Variants in CPXM1 observed in about 807,000 individuals in gnomAD.
CPXM1 encodes probable carboxypeptidase X1.
CPXM1 carries 72 observed loss-of-function variants against 80.4 expected under a neutral mutation model. The ratio of observed to expected loss-of-function variants is 0.90; its 90% CI spans 0.74 to 1.09. CPXM1 has a LOEUF of 1.09. CPXM1 is among the 50% of genes least tolerant of loss of function. The probability of loss-of-function intolerance (pLI) is 0.00; values close to 1 mark genes in which losing one functional copy is unlikely to be tolerated. For synonymous variants in CPXM1, 403 were observed against 405.6 expected (o/e 0.99, Z 0.08); for missense variants, 892 against 999.4 (o/e 0.89, Z 1.45).
chr20:2,797,075 A>G lies in CPXM1; in HGVS notation c.852T>C (p.Leu284=). The part of the protein sequence containing the change: ...CPVSDPNDLF[L]EAPASGSSDP... ...CAGAGGATCCCGACGCAGGGGCCTC[A>G]AGGAATAGGTCATTGGGGTCTGGTG... Residue 284 remains leucine (L), a synonymous_variant, in exon 7 of 14, where the codon CTT becomes CTC. Transcript: ENST00000380605. 2.5e-6 allele frequency: 4 copies of G among 1,614,090 alleles called. No homozygotes were observed. Among genetic ancestry groups the G allele is most frequent in the East Asian group, 2.2e-5 (1 of 44,886 alleles).
chr20:2,800,118 G>GCGCGCGTGCACTGTGTGTGCGCGCA (rs1247222098), intron 1 of CPXM1, among the ~76,000 whole-genome samples: 4 of 114,750 alleles, frequency 3.5e-5, no homozygotes, highest in East Asian at 9.4e-4. Flanking sequence ...GTGAGTGTGC[G>GCGCGCGTGCACTGTGTGTGCGCGCA]CGCGCGTGCA....
At position 2,796,177 on chromosome 20, in the gene CPXM1, CT is replaced by C; in HGVS notation, c.1243-17del. The C allele has an allele frequency of 6.2e-7, 1 of 1,608,266 alleles. No individual in the cohort carries two copies. The highest frequency in any genetic ancestry group is 8.5e-7 in the Non-Finnish European group (1 of 1,176,752). Reference sequence around the variant, plus strand: ...GCTCTGAACCCTGCCGGGCAAGAGGCTTGTTCAAGTCGAGCAGGTCCAGCCA... The same window carrying C: ...GCTCTGAACCCTGCCGGGCAAGAGGCTGTTCAAGTCGAGCAGGTCCAGCCA... On this transcript the variant is annotated splice_polypyrimidine_tract_variant and intron_variant, in intron 9 of 13. Coordinates refer to ENST00000380605, the MANE Select transcript of CPXM1 (RefSeq NM_019609.5). This position sits in a 1 kb window ranked among gnomAD's most constrained non-coding sequence, Gnocchi z 6.8.
Position 2,795,193 on chromosome 20 carries a change from T to G in CPXM1, c.1860+84A>C. 1 of 1,509,502 alleles carries G rather than the reference T, an allele frequency of 6.6e-7. No individual in the cohort carries two copies. Among genetic ancestry groups the G allele is most frequent in the Non-Finnish European group, 9.0e-7 (1 of 1,107,304 alleles). 93.5% of individuals were successfully genotyped at this position (1,509,502 alleles called of 1,614,324 possible). A position where few individuals can be genotyped will look rare whatever the true frequency, so the allele number is the denominator to read the frequency against. On this transcript the variant is annotated intron_variant, in intron 12 of 13. Transcript: ENST00000380605. This position sits in a 1 kb window ranked among gnomAD's most constrained non-coding sequence, Gnocchi z 5.4. Reference sequence around the variant, plus strand: ...TGAGTCTGAATGCTCAGCTGGACCTTAGAAGAACCCCTGGTAGGAGCTGTA... The same window carrying G: ...TGAGTCTGAATGCTCAGCTGGACCTGAGAAGAACCCCTGGTAGGAGCTGTA...
At chr20:2,798,353 G>C in intron 3 of CPXM1, 62 bp from the exon 4 acceptor site, 2 of 1,603,998 alleles carry the variant, frequency 1.2e-6, no homozygotes, top group Non-Finnish European at 1.7e-6. Context: ...CCAGGACAGA[G>C]AGGAGGCAGG....
Position 2,796,119 on chromosome 20 carries a change from G to A in CPXM1, c.1285C>T (p.Gln429Ter). ...VGWAEGRWNN[Q>*]SIDLNHNFAD... The stretch of plus-strand genomic sequence containing the variant: ...AAATTATGGTTAAGATCGATGCTCT[G>A]GTTGTTCCAGCGGCCCTCGGCCCAG... Residue 429 changes from glutamine (Q) to a stop codon, truncating the protein, a stop_gained, in exon 10 of 14, where the codon CAG becomes TAG. Coordinates refer to ENST00000380605, the MANE Select transcript of CPXM1 (RefSeq NM_019609.5). LOFTEE classifies it high-confidence loss of function. This position sits in a 1 kb window ranked among gnomAD's most constrained non-coding sequence, Gnocchi z 6.8. 1 of 1,613,642 alleles carries A rather than the reference G, an allele frequency of 6.2e-7. No homozygotes were observed. The highest frequency in any genetic ancestry group is 2.2e-5 in the East Asian group (1 of 44,876).
In CPXM1 at chr20:2,794,297, G is replaced by A. The variant is rs1445882076; in HGVS notation, c.2098C>T (p.Leu700Phe). ...AGCCTCTGTTTGGGAGTCTTGGTGAGCACGAAATTGCAGGGGAAGGGGCCC... is the reference window on the plus strand; with the variant it reads ...AGCCTCTGTTTGGGAGTCTTGGTGAACACGAAATTGCAGGGGAAGGGGCCC... Reference protein sequence around the residue: ...EEGPFPCNFVLTKTPKQRLRE... With the variant: ...EEGPFPCNFVFTKTPKQRLRE... The change falls in exon 14 of 14, where the codon CTC (leucine) becomes TTC (phenylalanine). Residue 700 changes from leucine (L) to phenylalanine (F), a missense_variant. By Grantham distance (22) the Leu-to-Phe change is conservative. Coordinates refer to ENST00000380605, the MANE Select transcript of CPXM1 (RefSeq NM_019609.5). The surrounding 1 kb of genome is among the most constrained non-coding windows in gnomAD (Gnocchi z 5.2). 3 of 1,614,138 alleles carry A rather than the reference G, an allele frequency of 1.9e-6. No individual in the cohort carries two copies. The highest frequency in any genetic ancestry group is 2.2e-5 in the East Asian group (1 of 44,876).
rs147765286 is a variant in CPXM1 at position 2,795,603 on chromosome 20, G to A, written c.1716C>T (p.Pro572=). The change falls in exon 11 of 14, where the codon CCC becomes CCT. Residue 572 remains proline, a synonymous_variant. Coordinates refer to ENST00000380605, the MANE Select transcript of CPXM1 (RefSeq NM_019609.5). This position sits in a 1 kb window ranked among gnomAD's most constrained non-coding sequence, Gnocchi z 5.4. ...ACTCCACCCTCAGGCACATACTCCC[G>A]GGGACCGTGTGCCAGTCAGCCCCGT... ...IINGADWHTV[P]GSMNDFSYLH... The A allele has an allele frequency of 1.2e-4, 193 of 1,612,880 alleles. 1 individual carries two copies. Among genetic ancestry groups the A allele is most frequent in the Non-Finnish European group, 6.1e-5 (72 of 1,179,078 alleles).
intron 1 of CPXM1, 48 bp from the exon 2 acceptor site, chr20:2,798,941 C>A (rs1454686060): frequency 2.5e-6 from 4 of 1,579,208 alleles, no homozygotes; most frequent in South Asian, 2.3e-5. Flanking sequence ...AATGGTGAAA[C>A]CCCGGATGGA....
Position 2,795,471 on chromosome 20 carries a change from C to G in CPXM1, c.1721-55G>C, listed in dbSNP as rs1568600674. 2 of 1,596,532 alleles carry G rather than the reference C, an allele frequency of 1.3e-6. No individual in the cohort carries two copies. Among genetic ancestry groups the G allele is most frequent in the African/African-American group, 2.7e-5 (2 of 74,670 alleles). ...GCAGGCGGGATGCGGTCCCATCCTC[C>G]CGCTACCCTCCCTTCTCTGAGGGAC... On this transcript the variant is annotated intron_variant, in intron 11 of 13. Transcript: ENST00000380605. This position sits in a 1 kb window ranked among gnomAD's most constrained non-coding sequence, Gnocchi z 5.4.
At position 2,798,911 on chromosome 20, in the gene CPXM1, A is replaced by C. The variant is rs1197033213; in HGVS notation, c.173-18T>G. 6.8e-6 allele frequency: 11 copies of C among 1,609,596 alleles called. No individual in the cohort carries two copies. The highest frequency in any genetic ancestry group is 1.3e-5 in the African/African-American group (1 of 74,806). ...TGAGGTCCCTTGGGGTCCGAGAGGC[A>C]CAGCATGGGGGAAAGGAAGAATGGT... On this transcript the variant is annotated intron_variant, in intron 1 of 13. Transcript: ENST00000380605.
rs2088560475 is a variant in CPXM1, at chr20:2,800,528, G to T, written c.45C>A (p.Val15=). 7.4e-7 allele frequency: 1 copy of T among 1,358,084 alleles called. No individual in the cohort carries two copies. Among genetic ancestry groups the T allele is most frequent in the Non-Finnish European group, 9.4e-7 (1 of 1,061,360 alleles). The allele number at this position is 1,358,084 out of a possible 1,614,324, so 84.1% of individuals were successfully genotyped here. A position where few individuals can be genotyped will look rare whatever the true frequency, so the allele number is the denominator to read the frequency against. Residue 15 remains valine, a synonymous_variant, in exon 1 of 14, where the codon GTC becomes GTA. Transcript: ENST00000380605. Reference sequence around the variant, plus strand: ...TCCTGGGCGCCCCCAGAGCCGGGCCGACGGCCGGCGCGAAGGCGGCCAGGG... The same window carrying T: ...TCCTGGGCGCCCCCAGAGCCGGGCCTACGGCCGGCGCGAAGGCGGCCAGGG... ...LLALAAFAPA[V]GPALGAPRNS... is the part of the protein sequence containing the mutation.
chr20:2,795,481 C>T lies in CPXM1; in HGVS notation c.1721-65G>A. 3 of 1,593,460 alleles carry T rather than the reference C, an allele frequency of 1.9e-6. No individual in the cohort carries two copies. Among genetic ancestry groups the T allele is most frequent in the Non-Finnish European group, 2.6e-6 (3 of 1,166,346 alleles). ...TGCGGTCCCATCCTCCCGCTACCCT[C>T]CCTTCTCTGAGGGACACTTCAGAGT... On this transcript the variant is annotated intron_variant, in intron 11 of 13. Transcript: ENST00000380605. The surrounding 1 kb of genome is among the most constrained non-coding windows in gnomAD (Gnocchi z 5.4).
Position 2,795,539 on chromosome 20 carries a change from G to A in CPXM1, c.1720+60C>T. On this transcript the variant is annotated intron_variant, in intron 11 of 13. Coordinates refer to ENST00000380605, the MANE Select transcript of CPXM1 (RefSeq NM_019609.5). The surrounding 1 kb of genome is among the most constrained non-coding windows in gnomAD (Gnocchi z 5.4). ...GACGCCAGCACTGTACGCAACCGCA[G>A]GCTGTCTTATCAGGGCGGGGGTTAC... The A allele has an allele frequency of 6.3e-7, 1 of 1,591,708 alleles. No individual in the cohort carries two copies. Among genetic ancestry groups the A allele is most frequent in the Non-Finnish European group, 8.6e-7 (1 of 1,165,842 alleles).
In CPXM1 at chr20:2,795,565, G is replaced by A. The variant is rs767317980; in HGVS notation, c.1720+34C>T. The A allele has an allele frequency of 1.1e-5, 17 of 1,602,376 alleles. No individual in the cohort carries two copies. Among genetic ancestry groups the A allele is most frequent in the Middle Eastern group, 1.7e-4 (1 of 6,028 alleles). Reference sequence around the variant, plus strand: ...GCTGTCTTATCAGGGCGGGGGTTACGGGGCCAGGGCTAACTCCACCCTCAG... The same window carrying A: ...GCTGTCTTATCAGGGCGGGGGTTACAGGGCCAGGGCTAACTCCACCCTCAG... On this transcript the variant is annotated intron_variant, in intron 11 of 13. Transcript: ENST00000380605. The surrounding 1 kb of genome is among the most constrained non-coding windows in gnomAD (Gnocchi z 5.4).
At position 2,795,493 on chromosome 20, in the gene CPXM1, G is replaced by A; in HGVS notation, c.1721-77C>T. The A allele has an allele frequency of 6.3e-7, 1 of 1,589,288 alleles. No homozygotes were observed. Among genetic ancestry groups the A allele is most frequent in the Non-Finnish European group, 8.6e-7 (1 of 1,164,008 alleles). On this transcript the variant is annotated intron_variant, in intron 11 of 13. Coordinates refer to ENST00000380605, the MANE Select transcript of CPXM1 (RefSeq NM_019609.5). The surrounding 1 kb of genome is among the most constrained non-coding windows in gnomAD (Gnocchi z 5.4). The stretch of plus-strand genomic sequence containing the variant: ...CTCCCGCTACCCTCCCTTCTCTGAG[G>A]GACACTTCAGAGTGGGAACAGACGC...
In CPXM1 at chr20:2,794,675, C is replaced by T. The variant is rs757362967; in HGVS notation, c.1861-36G>A. ...AGAGGTTATCAGAGCCCTTCCCCTTCGGCAGGATAATGTGCTGTTTAGCTA... is the reference window on the plus strand; with the variant it reads ...AGAGGTTATCAGAGCCCTTCCCCTTTGGCAGGATAATGTGCTGTTTAGCTA... On this transcript the variant is annotated intron_variant, in intron 12 of 13. Transcript: ENST00000380605. This position sits in a 1 kb window ranked among gnomAD's most constrained non-coding sequence, Gnocchi z 5.2. 1.9e-5 allele frequency: 30 copies of T among 1,552,872 alleles called. No homozygotes were observed. Among genetic ancestry groups the T allele is most frequent in the South Asian group, 5.6e-5 (5 of 90,076 alleles).
intron 1 of CPXM1, among the ~76,000 whole-genome samples, 181 bp downstream of exon 1, chr20:2,800,210 CGTGTGTGAAT>C (rs1317030634): frequency 2.0e-5 from 3 of 148,698 alleles, no homozygotes; most frequent in Admixed American, 2.0e-4. Context: ...CAAGTGTGCG[CGTGTGTGAAT>C]GTGTGTGAGT....
Position 2,794,547 on chromosome 20 carries a change from G to C in CPXM1, c.1953C>G (p.Asp651Glu). 1.2e-6 allele frequency: 2 copies of C among 1,613,940 alleles called. No individual in the cohort carries two copies. The highest frequency in any genetic ancestry group is 1.7e-6 in the Non-Finnish European group (2 of 1,180,004). The change falls in exon 13 of 14, where the codon GAC (aspartate) becomes GAG (glutamate). Residue 651 changes from aspartate to glutamate, a missense_variant. Physicochemically the swap from Asp to Glu is conservative, Grantham distance 45. Coordinates refer to ENST00000380605, the MANE Select transcript of CPXM1 (RefSeq NM_019609.5). This position sits in a 1 kb window ranked among gnomAD's most constrained non-coding sequence, Gnocchi z 5.2. ...AVIAVDGINH[D>E]VTTAWGGDYW... is the part of the protein sequence containing the mutation. ...CCCGGTCAAACACACCCGTGGTCAC[G>C]TCATGGTTAATCCCATCCACGGCAA...
Position 2,795,596 on chromosome 20 carries a change from T to C in CPXM1, c.1720+3A>G. On this transcript the variant is annotated splice_donor_region_variant and intron_variant, in intron 11 of 13. Coordinates refer to ENST00000380605, the MANE Select transcript of CPXM1 (RefSeq NM_019609.5). The surrounding 1 kb of genome is among the most constrained non-coding windows in gnomAD (Gnocchi z 5.4). ...AGGGCTAACTCCACCCTCAGGCACATACTCCCGGGGACCGTGTGCCAGTCA... is the reference window on the plus strand; with the variant it reads ...AGGGCTAACTCCACCCTCAGGCACACACTCCCGGGGACCGTGTGCCAGTCA... 6.2e-7 allele frequency: 1 copy of C among 1,611,664 alleles called. No homozygotes were observed. Among genetic ancestry groups the C allele is most frequent in the South Asian group, 1.1e-5 (1 of 91,026 alleles).
Sources: gnomAD v4.1 joint callset for allele counts (sites outside exome capture counted in the v4.1 genomes callset) on GRCh38, gnomAD v4.1.1 for gene constraint, Gnocchi (gnomAD v3.1) non-coding constraint, MANE v1.5 for transcripts, NCBI Gene and HGNC (gene_info 2026-07-23, HGNC 2026-07-21) for gene names.